The following CDH12 variants were observed in gnomAD, a reference collection of about 807,000 sequenced individuals.
CDH12 encodes the protein cadherin-12.
A neutral mutation model predicts 74.1 loss-of-function variants in CDH12; 41 were observed. That is an observed-to-expected ratio of 0.55 (90% CI 0.43 to 0.72). CDH12 has a LOEUF of 0.72. CDH12 is among the 30% of genes least tolerant of loss of function. The pLI, the probability that CDH12 is intolerant of heterozygous loss-of-function variation, is 0.00. For synonymous variants in CDH12, 399 were observed against 355.0 expected (o/e 1.12, Z -1.39); for missense variants, 945 against 977.2 (o/e 0.97, Z 0.44).
intron 3 of CDH12, among the ~76,000 whole-genome samples, chr5:22,341,299 C>T (rs75802594): frequency 0.026 from 3,926 of 152,178 alleles, 73 homozygotes; most frequent in Non-Finnish European, 0.04. Context: ...GCCTGGGCAA[C>T]ACAGTGATAC....
intron 1 of CDH12, among the ~76,000 whole-genome samples, chr5:22,697,586 A>T (rs559575993): frequency 2.0e-5 from 3 of 151,342 alleles, no homozygotes. Context: ...AAAAAAAAAA[A>T]AAAGAAAGAA....
At chr5:22,543,403 A>G (rs1738186485) in intron 1 of CDH12, among the ~76,000 whole-genome samples, 1 of 152,156 alleles carries the variant, frequency 6.6e-6, no homozygotes, top group African/African-American at 2.4e-5. Context: ...GCCTAGCAGA[A>G]AACCTGGTGA....
chr5:22,013,654 G>A (rs1737424986), intron 5 of CDH12, among the ~76,000 whole-genome samples: 1 of 152,064 alleles, frequency 6.6e-6, no homozygotes, highest in African/African-American at 2.4e-5. Context: ...TAAAAGGAAG[G>A]CAGATTAAGT....
chr5:22,388,030 G>A (rs1353834870), intron 3 of CDH12, among the ~76,000 whole-genome samples: 8 of 152,088 alleles, frequency 5.3e-5, no homozygotes, highest in African/African-American at 1.9e-4. Flanking sequence ...TCCACTGGAG[G>A]TAGAGTATAT....
chr5:22,678,191 C>T (rs567074140), intron 1 of CDH12, among the ~76,000 whole-genome samples: 62 of 151,880 alleles, frequency 4.1e-4, no homozygotes, highest in African/African-American at 1.4e-3. Flanking sequence ...CTCAAGAAAC[C>T]GACATTTACT....
intron 8 of CDH12, among the ~76,000 whole-genome samples, chr5:21,834,800 C>G (rs1194462714): frequency 6.6e-6 from 1 of 151,904 alleles, no homozygotes; most frequent in Non-Finnish European, 1.5e-5. Context: ...CCTTGCTGAT[C>G]AAATTGGCCC....
chr5:21,840,414 A>G (rs1191636831), intron 8 of CDH12, among the ~76,000 whole-genome samples: 1 of 146,030 alleles, frequency 6.8e-6, no homozygotes, highest in Non-Finnish European at 1.5e-5. Flanking sequence ...AAAATGTTCA[A>G]CCCTGAAGAT....
intron 3 of CDH12, among the ~76,000 whole-genome samples, chr5:22,315,559 A>C (rs1422343340): frequency 6.6e-6 from 1 of 152,196 alleles, no homozygotes; most frequent in East Asian, 1.9e-4. Context: ...CTTGTGAGGC[A>C]TTTACTCATA....
At chr5:22,508,969 A>T (rs1329822406) in intron 1 of CDH12, among the ~76,000 whole-genome samples, 1 of 152,276 alleles carries the variant, frequency 6.6e-6, no homozygotes, top group South Asian at 2.1e-4. Flanking sequence ...ATATTTTACA[A>T]ATATTTTCAT....
At chr5:22,754,229 A>G (rs904914598) in intron 1 of CDH12, among the ~76,000 whole-genome samples, 2 of 152,230 alleles carry the variant, frequency 1.3e-5, no homozygotes, top group African/African-American at 4.8e-5. Flanking sequence ...TTGACTACAA[A>G]AGTCATTATG....
rs200873118 is a variant in CDH12, at chr5:22,244,093, C to CA, written c.-332-31451dup. Among the ~76,000 whole-genome samples, 268 of 147,016 alleles carry CA rather than the reference C, an allele frequency of 1.8e-3. 2 individuals carry two copies. The South Asian group carries it at 0.019, about 11-fold the overall frequency. On this transcript the variant is annotated intron_variant, in intron 3 of 14. Transcript: ENST00000382254. ...GGAATAAAGCAGAGATCAAAAAAGG[C>CA]AAAAAAAAATGCATCCCTAATCTCA...
chr5:22,656,268 C>T (rs1172335230), intron 1 of CDH12, among the ~76,000 whole-genome samples: 1 of 152,086 alleles, frequency 6.6e-6, no homozygotes, highest in Non-Finnish European at 1.5e-5. Flanking sequence ...TTTATAAGGT[C>T]TTGCAATTTG....
chr5:21,802,883 AT>A (rs1233172251), intron 9 of CDH12, among the ~76,000 whole-genome samples: 1 of 152,092 alleles, frequency 6.6e-6, no homozygotes, highest in Non-Finnish European at 1.5e-5. Flanking sequence ...CAAGGTAAAC[AT>A]TTTAAGAAAA....
At chr5:22,018,679 A>G (rs966604448) in intron 5 of CDH12, among the ~76,000 whole-genome samples, 1 of 152,248 alleles carries the variant, frequency 6.6e-6, no homozygotes, top group Admixed American at 6.5e-5. Context: ...TCTTTCCAAC[A>G]GATAGCACTT....
intron 3 of CDH12, among the ~76,000 whole-genome samples, chr5:22,400,418 A>G (rs1247241177): frequency 6.6e-6 from 1 of 152,086 alleles, no homozygotes; most frequent in Non-Finnish European, 1.5e-5. Context: ...GATTAAATAT[A>G]TAGAATAGAA....
chr5:22,482,439 C>A (rs538666908), intron 2 of CDH12, among the ~76,000 whole-genome samples: 2 of 152,112 alleles, frequency 1.3e-5, no homozygotes, highest in Admixed American at 6.6e-5. Flanking sequence ...TTCCCCTCTA[C>A]GTACCTTTAT....
intron 3 of CDH12, among the ~76,000 whole-genome samples, chr5:22,399,232 A>G (rs185668832): frequency 6.7e-6 from 1 of 149,324 alleles, no homozygotes; most frequent in East Asian, 2.0e-4. Context: ...CTATCTATCT[A>G]TCTAATCTAA....
intron 3 of CDH12, among the ~76,000 whole-genome samples, chr5:22,292,140 T>C (rs1361920465): frequency 6.6e-6 from 1 of 152,068 alleles, no homozygotes; most frequent in Non-Finnish European, 1.5e-5. Context: ...CAGCACTAGA[T>C]ATCTGCATTT....
chr5:22,314,167 G>A (rs1738512078), intron 3 of CDH12, among the ~76,000 whole-genome samples: 1 of 152,204 alleles, frequency 6.6e-6, no homozygotes, highest in African/African-American at 2.4e-5. Context: ...AGTGTCAATC[G>A]ACATTCTGTA....
Sources: allele counts gnomAD v4.1 joint callset (sites outside exome capture counted in the v4.1 genomes callset), GRCh38; gene constraint gnomAD v4.1.1; transcripts MANE v1.5; gene names NCBI Gene and HGNC (gene_info 2026-07-23, HGNC 2026-07-21).